CFAP299: variants seen among roughly 807,000 people sequenced by gnomAD.
The protein encoded by CFAP299 is cilia and flagella associated protein 299, also known as cilia- and flagella-associated protein 299.
In CFAP299, 21 loss-of-function variants were observed where a neutral mutation model predicts 27.0. The observed-to-expected ratio is 0.78, with a 90% CI of 0.55 to 1.12. The LOEUF (loss-of-function observed/expected upper bound fraction) is 1.12, where lower values mean the gene tolerates loss of function less well. Ranked by LOEUF, CFAP299 falls within the 50% of genes most tolerant of loss-of-function variation. The probability of loss-of-function intolerance (pLI) is 0.00; values close to 1 mark genes in which losing one functional copy is unlikely to be tolerated. For missense variants in CFAP299, 310 were observed against 276.6 expected, an observed-to-expected ratio of 1.12 and a Z score of -0.86; for synonymous variants, 104 against 98.1, an observed-to-expected ratio of 1.06 and a Z score of -0.36.
chr4:80,639,370 A>G (rs990291418), intron 3 of CFAP299, among the ~76,000 whole-genome samples: 3 of 152,316 alleles, frequency 2.0e-5, no homozygotes, highest in African/African-American at 7.2e-5. Flanking sequence ...CCAGAAGAAC[A>G]TGGAGATGTT....
At chr4:80,641,771 G>A (rs903895261) in intron 3 of CFAP299, among the ~76,000 whole-genome samples, 2 of 152,164 alleles carry the variant, frequency 1.3e-5, no homozygotes, top group South Asian at 4.1e-4. Flanking sequence ...GCCACAAAGT[G>A]GGGTCATTTA....
At chr4:80,848,983 A>G (rs759536113) in intron 3 of CFAP299, among the ~76,000 whole-genome samples, 3 of 152,156 alleles carry the variant, frequency 2.0e-5, no homozygotes, top group Non-Finnish European at 2.9e-5. Context: ...CACTAAATTT[A>G]TAGAACAACA....
At chr4:80,669,944 T>TAA (rs562084377) in intron 3 of CFAP299, among the ~76,000 whole-genome samples, 1 of 148,308 alleles carries the variant, frequency 6.7e-6, no homozygotes, top group Non-Finnish European at 1.5e-5. Context: ...TTTGTTGTTA[T>TAA]AAAAAAAAAA....
intron 3 of CFAP299, among the ~76,000 whole-genome samples, chr4:80,715,026 G>A (rs34555856): frequency 0.029 from 4,478 of 152,120 alleles, 98 homozygotes; most frequent in South Asian, 0.072. Context: ...GCTGACTCTT[G>A]GCAAGTTTAG....
chr4:80,691,311 C>T lies in CFAP299; in HGVS notation c.333+108128C>T, dbSNP rs866608948. On this transcript the variant is annotated intron_variant, in intron 3 of 5. Transcript: ENST00000358105. ...AATCCTCAATAAAATACTGGCAAAC[C>T]GAATCCAGCAGCACATCAAAAAGCT... 1.1e-4 allele frequency among the ~76,000 whole-genome samples: 14 copies of T among 130,004 alleles called. No homozygotes were observed. In the South Asian group the frequency reaches 2.3e-3, roughly 21 times the overall value. The allele number at this position is 130,004 out of a possible 152,430, so 85.3% of individuals were successfully genotyped here. A position where few individuals can be genotyped will look rare whatever the true frequency, so the allele number is the denominator to read the frequency against.
chr4:80,912,372 G>A (rs539874287), intron 4 of CFAP299, among the ~76,000 whole-genome samples: 47 of 152,274 alleles, frequency 3.1e-4, no homozygotes, highest in African/African-American at 9.4e-4. Flanking sequence ...GGTAGAATGA[G>A]CGAGAAAGGT....
chr4:80,820,274 T>G (rs1223747079), intron 3 of CFAP299, among the ~76,000 whole-genome samples: 4 of 152,156 alleles, frequency 2.6e-5, no homozygotes, highest in Non-Finnish European at 5.9e-5. Flanking sequence ...TAATAAATAT[T>G]TATTGAATTT....
chr4:80,881,504 G>C (rs1242644312), intron 4 of CFAP299, among the ~76,000 whole-genome samples: 2 of 152,148 alleles, frequency 1.3e-5, no homozygotes, highest in Non-Finnish European at 2.9e-5. Flanking sequence ...TTTCCTCCAG[G>C]GGGAAGAAAG....
intron 3 of CFAP299, among the ~76,000 whole-genome samples, chr4:80,848,724 C>T (rs1248617141): frequency 6.6e-6 from 1 of 152,068 alleles, no homozygotes; most frequent in African/African-American, 2.4e-5. Flanking sequence ...TGCTGTAAGC[C>T]ATGATCACAC....
chr4:80,347,274 T>G (rs895170936), intron 1 of CFAP299, among the ~76,000 whole-genome samples: 4 of 152,194 alleles, frequency 2.6e-5, no homozygotes, highest in African/African-American at 9.7e-5. Context: ...ATTCTTTCTC[T>G]TGCTTGACTG....
chr4:80,736,851 G>T (rs1484038114), intron 3 of CFAP299, among the ~76,000 whole-genome samples: 1 of 152,142 alleles, frequency 6.6e-6, no homozygotes. Flanking sequence ...CTGCTATAAA[G>T]ACACATGCAC....
chr4:80,544,833 G>A (rs1040018983), intron 2 of CFAP299, among the ~76,000 whole-genome samples: 2 of 152,068 alleles, frequency 1.3e-5, no homozygotes, highest in Non-Finnish European at 2.9e-5. Context: ...AAGATATTCT[G>A]GACTTAAACT....
chr4:80,910,877 G>A (rs959365573), intron 4 of CFAP299, among the ~76,000 whole-genome samples: 1 of 151,906 alleles, frequency 6.6e-6, no homozygotes, highest in Admixed American at 6.6e-5. Flanking sequence ...TATGAACTCT[G>A]GGTTCTCTAC....
Position 80,395,232 on chromosome 4 carries a change from C to T in CFAP299, c.242+32348C>T, listed in dbSNP as rs372122819. ...TTGGATAGTTTGTTGTTAGTGTATA[C>T]AAACATAATTGATTTTTCTATGTTG... On this transcript the variant is annotated intron_variant, in intron 2 of 5. Transcript: ENST00000358105. Among the ~76,000 whole-genome samples, 42 of 151,984 alleles carry T rather than the reference C, an allele frequency of 2.8e-4. No homozygotes were observed. The East Asian group carries it at 6.0e-3, about 22-fold the overall frequency.
intron 2 of CFAP299, among the ~76,000 whole-genome samples, chr4:80,390,743 G>GTA (rs1189558988): frequency 1.1e-5 from 1 of 86,994 alleles, no homozygotes; most frequent in East Asian, 3.3e-4. Context: ...ATGTATATAT[G>GTA]TATATATACA....
intron 3 of CFAP299, among the ~76,000 whole-genome samples, chr4:80,803,688 TTTAA>T (rs1010372329): frequency 1.1e-3 from 166 of 150,138 alleles, no homozygotes; most frequent in African/African-American, 3.8e-3. Context: ...AATTTTATTA[TTTAA>T]TATACAGAAT....
rs578009888 is a variant in CFAP299 at position 80,719,484 on chromosome 4, C to T, written c.333+136301C>T. ...GTACCATTTGTATTCCCATTTGCAA[C>T]GTATGTGAGTTCCACATTCTTGTCA... is the stretch of plus-strand genomic sequence containing the variant. On this transcript the variant is annotated intron_variant, in intron 3 of 5. Coordinates refer to ENST00000358105, the MANE Select transcript of CFAP299 (RefSeq NM_152770.3). Among the ~76,000 whole-genome samples, 12 of 152,226 alleles carry T rather than the reference C, an allele frequency of 7.9e-5. No individual in the cohort carries two copies. In the South Asian group the frequency reaches 1.2e-3, roughly 16 times the overall value.
chr4:80,463,585 T>A (rs1359992964), intron 2 of CFAP299, among the ~76,000 whole-genome samples: 1 of 152,136 alleles, frequency 6.6e-6, no homozygotes, highest in Non-Finnish European at 1.5e-5. Flanking sequence ...CAGTTAGGGT[T>A]CGTTTTTGGT....
At chr4:80,390,821 ATG>A (rs551311909) in intron 2 of CFAP299, among the ~76,000 whole-genome samples, 1 of 129,882 alleles carries the variant, frequency 7.7e-6, no homozygotes, top group Non-Finnish European at 1.7e-5. Flanking sequence ...ACACACATAT[ATG>A]TATATGTATA....
Sources: gnomAD v4.1 joint callset for allele counts (sites outside exome capture counted in the v4.1 genomes callset) on GRCh38, gnomAD v4.1.1 for gene constraint, MANE v1.5 for transcripts, NCBI Gene and HGNC (gene_info 2026-07-23, HGNC 2026-07-21) for gene names.